The following MYO3B variants were observed in gnomAD, a reference collection of about 807,000 sequenced individuals.
The protein encoded by MYO3B is myosin IIIB, also known as myosin-IIIb.
MYO3B carries 156 observed loss-of-function variants against 174.6 expected under a neutral mutation model. The observed-to-expected ratio is 0.89, with a 90% CI of 0.78 to 1.02. The LOEUF is 1.02. MYO3B is among the 50% of genes least tolerant of loss of function. The pLI, the probability that MYO3B is intolerant of heterozygous loss-of-function variation, is 0.00. For missense variants in MYO3B, 1,632 were observed against 1,639.4 expected (o/e 1.00, Z 0.08); for synonymous variants, 563 against 569.1 (o/e 0.99, Z 0.15).
chr2:170,592,367 T>C (rs1179352738), intron 32 of MYO3B, among the ~76,000 whole-genome samples: 1 of 152,172 alleles, frequency 6.6e-6, no homozygotes, highest in Non-Finnish European at 1.5e-5. Context: ...AATAAGACCA[T>C]TCCCTACACC....
At chr2:170,189,603 T>G (rs938058081) in intron 1 of MYO3B, among the ~76,000 whole-genome samples, 1 of 152,086 alleles carries the variant, frequency 6.6e-6, no homozygotes, top group African/African-American at 2.4e-5. Context: ...GCTTGATCAA[T>G]TCTGCTGTTG....
chr2:170,619,427 A>G (rs1280912227), intron 32 of MYO3B, among the ~76,000 whole-genome samples: 3 of 152,136 alleles, frequency 2.0e-5, no homozygotes, highest in Non-Finnish European at 4.4e-5. Context: ...TTCCGTAGCA[A>G]TAGTTTCAGG....
intron 17 of MYO3B, among the ~76,000 whole-genome samples, chr2:170,400,829 G>GGT (rs60401794): frequency 4.0e-5 from 6 of 151,004 alleles, no homozygotes; most frequent in East Asian, 4.0e-4. Context: ...TTTGAGCAGT[G>GGT]TTTTTTTCTT....
chr2:170,575,471 A>T (rs1056296789), intron 32 of MYO3B, among the ~76,000 whole-genome samples: 1 of 152,210 alleles, frequency 6.6e-6, no homozygotes, highest in Non-Finnish European at 1.5e-5. Context: ...AATAAACATG[A>T]ATGTGGTTCC....
At chr2:170,448,790 GTT>G (rs34511693) in intron 23 of MYO3B, among the ~76,000 whole-genome samples, 36 of 148,580 alleles carry the variant, frequency 2.4e-4, no homozygotes, top group East Asian at 3.9e-4. Context: ...GTGTGCGATA[GTT>G]TTTTTTTTTT....
intron 1 of MYO3B, among the ~76,000 whole-genome samples, chr2:170,192,205 G>A (rs1289940168): frequency 6.6e-6 from 1 of 151,788 alleles, no homozygotes; most frequent in Non-Finnish European, 1.5e-5. Context: ...AAAACCATCT[G>A]AGCCTGTGGC....
intron 32 of MYO3B, among the ~76,000 whole-genome samples, chr2:170,636,639 C>T (rs2105416438): frequency 6.6e-6 from 1 of 152,240 alleles, no homozygotes; most frequent in South Asian, 2.1e-4. Context: ...CAGCCAGAGC[C>T]TCCCACCCTT....
At position 170,562,010 on chromosome 2, in the gene MYO3B, T is replaced by C. The variant is rs144961376; in HGVS notation, c.3733+18022T>C. On this transcript the variant is annotated intron_variant, in intron 32 of 34. Transcript: ENST00000408978. ...ATAAAAACATTGAATCCTGTGTTTA[T>C]TGCTCCATCATCTTAATTTGTTTTT... Among the ~76,000 whole-genome samples the C allele has an allele frequency of 2.3e-3, 358 of 152,342 alleles. 6 individuals are homozygous for C. The highest frequency in any genetic ancestry group is 4.7e-4 in the Non-Finnish European group (32 of 68,036).
At chr2:170,375,262 TTTGTATCATTTTACAAGGGTTA>T (rs1341949783) in intron 9 of MYO3B, among the ~76,000 whole-genome samples, 1 of 152,176 alleles carries the variant, frequency 6.6e-6, no homozygotes, top group African/African-American at 2.4e-5. Context: ...GAAAACATGC[TTTGTATCATTTTACAAGGGTTA>T]TTGGGAGAAG....
At chr2:170,438,208 C>A (rs2094770358) in intron 22 of MYO3B, among the ~76,000 whole-genome samples, 1 of 152,140 alleles carries the variant, frequency 6.6e-6, no homozygotes, top group Admixed American at 6.5e-5. Flanking sequence ...GCTTATTTCA[C>A]TTAGCCTAAC....
intron 1 of MYO3B, among the ~76,000 whole-genome samples, chr2:170,185,657 A>G (rs1559282361): frequency 6.6e-6 from 1 of 151,956 alleles, no homozygotes; most frequent in Non-Finnish European, 1.5e-5. Context: ...ACATTTTATG[A>G]TGTTTTTTCT....
chr2:170,264,113 A>T (rs1418790243), intron 7 of MYO3B, among the ~76,000 whole-genome samples: 2 of 152,230 alleles, frequency 1.3e-5, no homozygotes, highest in Non-Finnish European at 2.9e-5. Flanking sequence ...GAGTCAACAC[A>T]GCACATGTCT....
intron 7 of MYO3B, among the ~76,000 whole-genome samples, chr2:170,331,647 G>A (rs1211503089): frequency 2.0e-5 from 3 of 152,116 alleles, no homozygotes; most frequent in Non-Finnish European, 2.9e-5. Context: ...CTAAAATCAA[G>A]GTGTCAGTAG....
intron 8 of MYO3B, among the ~76,000 whole-genome samples, chr2:170,350,121 C>T (rs1312624269): frequency 2.0e-5 from 3 of 151,982 alleles, no homozygotes; most frequent in Non-Finnish European, 4.4e-5. Flanking sequence ...CTTCCCTCAG[C>T]CTCCCAAGTA....
chr2:170,629,760 G>A (rs1307528588), intron 32 of MYO3B, among the ~76,000 whole-genome samples: 2 of 152,172 alleles, frequency 1.3e-5, no homozygotes. Context: ...TGAGACAGGA[G>A]AATCACTTGA....
At chr2:170,635,571 A>G (rs1697394131) in intron 32 of MYO3B, among the ~76,000 whole-genome samples, 1 of 152,154 alleles carries the variant, frequency 6.6e-6, no homozygotes, top group South Asian at 2.1e-4. Flanking sequence ...TATGTAACAA[A>G]CCTGCACATT....
chr2:170,356,651 C>T (rs56672224), intron 8 of MYO3B, among the ~76,000 whole-genome samples: 2,426 of 151,896 alleles, frequency 0.016, 67 homozygotes, highest in African/African-American at 0.056. Context: ...TGTGAGCCAC[C>T]GCACCTGGCT....
At chr2:170,459,997 G>GTACCTCTCCCTCTT (rs1466390096) in intron 23 of MYO3B, among the ~76,000 whole-genome samples, 1 of 152,018 alleles carries the variant, frequency 6.6e-6, no homozygotes, top group Non-Finnish European at 1.5e-5. Flanking sequence ...TTCCCAGCCC[G>GTACCTCTCCCTCTT]TACCTCTCCC....
chr2:170,242,406 C>G, intron 7 of MYO3B, among the ~76,000 whole-genome samples: 1 of 152,274 alleles, frequency 6.6e-6, no homozygotes, highest in South Asian at 2.1e-4. Flanking sequence ...GGGCCCAGGA[C>G]TTGACACTCC....
Sources: gnomAD v4.1 joint callset for allele counts (sites outside exome capture counted in the v4.1 genomes callset) on GRCh38, gnomAD v4.1.1 for gene constraint, MANE v1.5 for transcripts, NCBI Gene and HGNC (gene_info 2026-07-23, HGNC 2026-07-21) for gene names.